Variants in ADCY10 observed in about 807,000 individuals in gnomAD.
The protein encoded by ADCY10 is adenylate cyclase 10, also known as adenylate cyclase type 10.
ADCY10 carries 156 observed loss-of-function variants against 183.3 expected under a neutral mutation model. That is an observed-to-expected ratio of 0.85 (90% CI 0.75 to 0.97). The LOEUF is 0.97. ADCY10 is among the 50% of genes least tolerant of loss of function. The pLI, the probability that ADCY10 is intolerant of heterozygous loss-of-function variation, is 0.00. For synonymous variants in ADCY10, 645 were observed against 670.0 expected (o/e 0.96, Z 0.58); for missense variants, 1,745 against 1,934.3 (o/e 0.90, Z 1.84).
At chr1:167,858,121 T>G (rs1666030850) in intron 16 of ADCY10, among the ~76,000 whole-genome samples, 1 of 152,068 alleles carries the variant, frequency 6.6e-6, no homozygotes, top group Admixed American at 6.6e-5. Context: ...TGCCACCAAC[T>G]TATATCGATC....
At chr1:167,894,510 G>T (rs1333457783) in intron 7 of ADCY10, among the ~76,000 whole-genome samples, 1 of 152,006 alleles carries the variant, frequency 6.6e-6, no homozygotes, top group Non-Finnish European at 1.5e-5. Context: ...TATGCTCTAG[G>T]ATAGACTGAT....
chr1:167,882,995 A>G (rs1667971996), intron 9 of ADCY10, among the ~76,000 whole-genome samples: 1 of 152,218 alleles, frequency 6.6e-6, no homozygotes, highest in Admixed American at 6.5e-5. Context: ...TATCCACCAT[A>G]GAAGTTATAA....
intron 21 of ADCY10, among the ~76,000 whole-genome samples, chr1:167,840,909 A>G (rs979546030): frequency 1.3e-5 from 2 of 151,604 alleles, no homozygotes; most frequent in Non-Finnish European, 1.5e-5. Context: ...CAGGTTCAGG[A>G]CATTTTACCT....
At chr1:167,860,002 T>C (rs1571326737) in intron 15 of ADCY10, 109 bp from the exon 16 acceptor site, 1 of 883,282 alleles carries the variant, frequency 1.1e-6, no homozygotes, top group Non-Finnish European at 1.9e-6. Flanking sequence ...AAAATCCTCA[T>C]GTGTTAGATA....
chr1:167,874,489 C>T (rs868168144), intron 13 of ADCY10, among the ~76,000 whole-genome samples: 37 of 152,192 alleles, frequency 2.4e-4, no homozygotes, highest in Middle Eastern at 3.4e-3. Context: ...TAAGTTGTTG[C>T]CAAAGATGAA....
chr1:167,838,562 C>A (rs748560452), intron 21 of ADCY10, among the ~76,000 whole-genome samples: 3 of 152,208 alleles, frequency 2.0e-5, no homozygotes, highest in Non-Finnish European at 2.9e-5. Context: ...TATTCGTCTA[C>A]CAACATTCTA....
At chr1:167,855,814 T>C (rs1665847454) in intron 17 of ADCY10, among the ~76,000 whole-genome samples, 1 of 151,754 alleles carries the variant, frequency 6.6e-6, no homozygotes. Context: ...GAGTTCATGA[T>C]CAGCCTGGGC....
At chr1:167,845,458 G>A (rs546339269) in intron 21 of ADCY10, 105 bp downstream of exon 21, 47 of 1,209,684 alleles carry the variant, frequency 3.9e-5, no homozygotes, top group South Asian at 6.6e-5. Flanking sequence ...TGCCCAAGCC[G>A]CTTATGAGAC....
chr1:167,853,827 T>C (rs1480515430), intron 18 of ADCY10, among the ~76,000 whole-genome samples: 1 of 136,142 alleles, frequency 7.3e-6, no homozygotes, highest in African/African-American at 2.8e-5. Context: ...TCTACTATAG[T>C]TACTTTTTTT....
chr1:167,883,952 A>G (rs956660807), intron 8 of ADCY10, among the ~76,000 whole-genome samples: 1 of 152,222 alleles, frequency 6.6e-6, no homozygotes, highest in African/African-American at 2.4e-5. Flanking sequence ...TTTTAAAAAA[A>G]TTTAAAATTT....
chr1:167,900,436 A>G (rs1669322719), intron 5 of ADCY10, among the ~76,000 whole-genome samples: 1 of 152,216 alleles, frequency 6.6e-6, no homozygotes, highest in African/African-American at 2.4e-5. Context: ...ATCATTCTCA[A>G]GAAGGATAAC....
chr1:167,873,464 A>G (rs1667241877), intron 13 of ADCY10, among the ~76,000 whole-genome samples: 2 of 152,186 alleles, frequency 1.3e-5, no homozygotes, highest in Non-Finnish European at 2.9e-5. Context: ...GCCTTGACAC[A>G]GTTAGGACCA....
chr1:167,822,188 T>C (rs748350987), intron 29 of ADCY10, 47 bp from the exon 30 acceptor site: 1 of 1,211,016 alleles, frequency 8.3e-7, no homozygotes, highest in Admixed American at 1.7e-5. Context: ...GTGTGGGTGA[T>C]CATCTTTCTA....
At chr1:167,836,193 G>T (rs1664176059) in intron 23 of ADCY10, 116 bp downstream of exon 23, 3 of 737,218 alleles carry the variant, frequency 4.1e-6, no homozygotes, top group South Asian at 1.5e-5. Context: ...GTGGAAAGGG[G>T]TGCTGTCGGG....
At chr1:167,868,400 C>T (rs1666852164) in intron 14 of ADCY10, among the ~76,000 whole-genome samples, 1 of 152,138 alleles carries the variant, frequency 6.6e-6, no homozygotes, top group African/African-American at 2.4e-5. Context: ...AAAGAATTCA[C>T]TCATCCTGTA....
Position 167,846,013 on chromosome 1 carries a change from G to C in ADCY10, c.2688C>G (p.Ser896=), listed in dbSNP as rs1664996801. ...NDPSFEVHYR[S]LSLKPSEGMD... is the part of the protein sequence containing the mutation. ...TCCCTTCACTGGGCTTCAGAGACAA[G>C]GAACGATAGTGCACCTCAAATGAGG... Residue 896 remains serine (S), a synonymous_variant, in exon 20 of 33, where the codon TCC becomes TCG. Transcript: ENST00000367851. 1.2e-6 allele frequency: 2 copies of C among 1,614,068 alleles called. No individual in the cohort carries two copies. The highest frequency in any genetic ancestry group is 1.7e-6 in the Non-Finnish European group (2 of 1,180,038).
chr1:167,845,307 C>T (rs1664923406), intron 21 of ADCY10, among the ~76,000 whole-genome samples: 2 of 152,192 alleles, frequency 1.3e-5, no homozygotes, highest in Non-Finnish European at 2.9e-5. Flanking sequence ...GTTCTGGTCA[C>T]ATCCCATTTT....
At chr1:167,852,025 G>A (rs1427897671) in intron 18 of ADCY10, among the ~76,000 whole-genome samples, 5 of 151,872 alleles carry the variant, frequency 3.3e-5, no homozygotes, top group Non-Finnish European at 7.4e-5. Context: ...ACAATTCAGC[G>A]GCCTGTAGTG....
At chr1:167,884,694 A>ATTT (rs71100911) in intron 8 of ADCY10, among the ~76,000 whole-genome samples, 39 of 108,620 alleles carry the variant, frequency 3.6e-4, no homozygotes, top group African/African-American at 1.2e-3. Flanking sequence ...AATCATTTTA[A>ATTT]TTTTTTTTTT....
Sources: allele counts gnomAD v4.1 joint callset (sites outside exome capture counted in the v4.1 genomes callset), GRCh38; gene constraint gnomAD v4.1.1; transcripts MANE v1.5; gene names NCBI Gene and HGNC (gene_info 2026-07-23, HGNC 2026-07-21).